Variants in SLC24A3 observed in about 807,000 individuals in gnomAD.
SLC24A3 encodes solute carrier family 24 member 3, also known as sodium/potassium/calcium exchanger 3.
Under a neutral mutation model 75.8 loss-of-function variants are expected in SLC24A3, and 28 were observed. The ratio of observed to expected loss-of-function variants is 0.37; its 90% CI spans 0.27 to 0.51. The LOEUF (loss-of-function observed/expected upper bound fraction) is 0.51, where lower values mean the gene tolerates loss of function less well. SLC24A3 is among the 20% of genes least tolerant of loss of function. The probability of loss-of-function intolerance (pLI) is 0.94; values close to 1 mark genes in which losing one functional copy is unlikely to be tolerated. For synonymous variants in SLC24A3, 372 were observed against 334.1 expected, an observed-to-expected ratio of 1.11 and a Z score of -1.24; for missense variants, 663 against 847.8, an observed-to-expected ratio of 0.78 and a Z score of 2.71.
intron 2 of SLC24A3, among the ~76,000 whole-genome samples, chr20:19,362,160 C>T (rs1985802363): frequency 1.3e-5 from 2 of 152,120 alleles, no homozygotes; most frequent in South Asian, 4.1e-4. Context: ...TTGGAAAATC[C>T]CACTTAAGTG....
intron 2 of SLC24A3, among the ~76,000 whole-genome samples, chr20:19,425,519 C>A (rs1392101124): frequency 6.6e-6 from 1 of 152,134 alleles, no homozygotes; most frequent in Non-Finnish European, 1.5e-5. Flanking sequence ...GCAAAAGTAC[C>A]ACATGGGAGA....
intron 8 of SLC24A3, among the ~76,000 whole-genome samples, chr20:19,672,277 C>T (rs1300385762): frequency 1.3e-5 from 2 of 152,188 alleles, no homozygotes; most frequent in Non-Finnish European, 2.9e-5. Flanking sequence ...CTGATTTCCT[C>T]TCTCAATAGT....
At chr20:19,457,033 C>T (rs1010441517) in intron 2 of SLC24A3, among the ~76,000 whole-genome samples, 11 of 152,154 alleles carry the variant, frequency 7.2e-5, no homozygotes, top group Non-Finnish European at 8.8e-5. Context: ...ATGGCTCCTC[C>T]GTGAGCTATC....
At chr20:19,534,887 A>G (rs1336200407) in intron 3 of SLC24A3, among the ~76,000 whole-genome samples, 2 of 152,182 alleles carry the variant, frequency 1.3e-5, no homozygotes, top group East Asian at 1.9e-4. Flanking sequence ...TAGGTATTGT[A>G]TAGGTATTGT....
intron 2 of SLC24A3, among the ~76,000 whole-genome samples, chr20:19,328,562 AG>A (rs1419542428): frequency 3.3e-5 from 5 of 152,120 alleles, no homozygotes; most frequent in Admixed American, 6.6e-5. Flanking sequence ...AACACCCTGA[AG>A]GAGTGGATGT....
At chr20:19,375,242 G>T (rs945427333) in intron 2 of SLC24A3, among the ~76,000 whole-genome samples, 1 of 152,160 alleles carries the variant, frequency 6.6e-6, no homozygotes, top group Admixed American at 6.5e-5. Context: ...GTAAAAGTTC[G>T]CCAGGCTCCT....
chr20:19,244,924 C>G (rs1323164542), intron 1 of SLC24A3, among the ~76,000 whole-genome samples: 2 of 152,144 alleles, frequency 1.3e-5, no homozygotes, highest in Non-Finnish European at 2.9e-5. Context: ...GTGGCATTTG[C>G]CCATCTCAGT....
chr20:19,451,348 C>T (rs958235634), intron 2 of SLC24A3, among the ~76,000 whole-genome samples: 2 of 152,276 alleles, frequency 1.3e-5, no homozygotes, highest in Admixed American at 6.5e-5. Flanking sequence ...CAACATCTTA[C>T]GTCTCTGGGG....
At chr20:19,407,082 T>A (rs76068547) in intron 2 of SLC24A3, among the ~76,000 whole-genome samples, 1,819 of 152,258 alleles carry the variant, frequency 0.012, 37 homozygotes, top group African/African-American at 0.039. Flanking sequence ...ATCCAGAGGA[T>A]ATCAATTGAC....
At chr20:19,604,932 G>A (rs1414844709) in intron 6 of SLC24A3, among the ~76,000 whole-genome samples, 1 of 152,048 alleles carries the variant, frequency 6.6e-6, no homozygotes, top group East Asian at 1.9e-4. Flanking sequence ...TTTTCCACAG[G>A]CTGTCAGCAT....
chr20:19,620,368 C>G (rs1355782345), intron 6 of SLC24A3, among the ~76,000 whole-genome samples: 3 of 152,180 alleles, frequency 2.0e-5, no homozygotes, highest in African/African-American at 7.2e-5. Context: ...ATTCAAGCAT[C>G]TCAAATTCAA....
At chr20:19,286,814 G>A (rs73278936) in intron 2 of SLC24A3, among the ~76,000 whole-genome samples, 9,277 of 152,230 alleles carry the variant, frequency 0.061, 884 homozygotes, top group African/African-American at 0.21. Context: ...AAATGTTTCC[G>A]AAATACTAGA....
intron 2 of SLC24A3, among the ~76,000 whole-genome samples, chr20:19,426,421 C>A (rs1987007483): frequency 6.6e-6 from 1 of 152,156 alleles, no homozygotes; most frequent in Non-Finnish European, 1.5e-5. Context: ...TGGTTAGATT[C>A]AATTGTTTAT....
chr20:19,678,236 C>A (rs962872057), intron 9 of SLC24A3, among the ~76,000 whole-genome samples: 12 of 149,064 alleles, frequency 8.1e-5, no homozygotes, highest in Admixed American at 6.0e-4. Context: ...ACCTCCCAGA[C>A]GGGGTGGTGG....
intron 2 of SLC24A3, among the ~76,000 whole-genome samples, chr20:19,306,919 A>G (rs1171143762): frequency 6.6e-6 from 1 of 152,212 alleles, no homozygotes; most frequent in Non-Finnish European, 1.5e-5. Flanking sequence ...GTGACACTGC[A>G]TAGCTTTTCT....
chr20:19,695,538 CG>C (rs2122139226), intron 13 of SLC24A3: 1 of 152,232 alleles, frequency 6.6e-6, no homozygotes, highest in Non-Finnish European at 1.5e-5. Context: ...TAAATTTAAG[CG>C]GTACAAGTAA....
intron 3 of SLC24A3, among the ~76,000 whole-genome samples, chr20:19,516,909 G>A (rs1467312020): frequency 6.6e-6 from 1 of 152,166 alleles, no homozygotes; most frequent in African/African-American, 2.4e-5. Flanking sequence ...ACTTCTGCTG[G>A]CCTTGCTTTA....
At chr20:19,601,653 G>A (rs1472009287) in intron 6 of SLC24A3, among the ~76,000 whole-genome samples, 1 of 152,196 alleles carries the variant, frequency 6.6e-6, no homozygotes, top group Admixed American at 6.5e-5. Context: ...TCATGCAAGG[G>A]CTCCTGAGAC....
chr20:19,300,759 C>G (rs150110333), intron 2 of SLC24A3, among the ~76,000 whole-genome samples: 1 of 152,214 alleles, frequency 6.6e-6, no homozygotes, highest in East Asian at 1.9e-4. Context: ...CTCTCTCATT[C>G]CTGGAGTCTT....
Sources: allele counts gnomAD v4.1 joint callset (sites outside exome capture counted in the v4.1 genomes callset), GRCh38; gene constraint gnomAD v4.1.1; transcripts MANE v1.5; gene names NCBI Gene and HGNC (gene_info 2026-07-23, HGNC 2026-07-21).